The following RNF217 variants were observed in gnomAD, a reference collection of about 807,000 sequenced individuals.
RNF217 encodes the protein ring finger protein 217.
In RNF217, 31 loss-of-function variants were observed where a neutral mutation model predicts 57.8. The ratio of observed to expected loss-of-function variants is 0.54; its 90% CI spans 0.40 to 0.72. RNF217 has a LOEUF of 0.72. RNF217 is among the 30% of genes least tolerant of loss of function. The pLI is 0.00. For missense variants in RNF217, 696 were observed against 708.3 expected, an observed-to-expected ratio of 0.98 and a Z score of 0.20; for synonymous variants, 313 against 294.0, an observed-to-expected ratio of 1.06 and a Z score of -0.66.
At chr6:124,996,336 A>G (rs530609186) in intron 1 of RNF217, among the ~76,000 whole-genome samples, 11 of 151,862 alleles carry the variant, frequency 7.2e-5, no homozygotes, top group African/African-American at 2.7e-4. Context: ...AAGATAATTT[A>G]TGTTTTCTCT....
intron 2 of RNF217, among the ~76,000 whole-genome samples, chr6:125,047,751 A>G (rs537115917): frequency 3.7e-4 from 57 of 152,186 alleles, no homozygotes; most frequent in African/African-American, 1.3e-3. Flanking sequence ...AGAGGAAAAG[A>G]AAATTTGCTT....
chr6:124,985,040 T>A (rs1259270757), intron 1 of RNF217, among the ~76,000 whole-genome samples: 1 of 152,170 alleles, frequency 6.6e-6, no homozygotes, highest in African/African-American at 2.4e-5. Context: ...AATAAATGTA[T>A]ACAAAAAAGC....
chr6:125,053,212 C>A (rs1787392767), intron 2 of RNF217, among the ~76,000 whole-genome samples: 1 of 152,116 alleles, frequency 6.6e-6, no homozygotes, highest in Non-Finnish European at 1.5e-5. Context: ...AGCTTCTATT[C>A]TGGCAGTTAC....
At chr6:125,050,809 ACT>A (rs1282300464) in intron 2 of RNF217, among the ~76,000 whole-genome samples, 1 of 151,564 alleles carries the variant, frequency 6.6e-6, no homozygotes, top group Non-Finnish European at 1.5e-5. Context: ...TACAACACAC[ACT>A]GATTTCTCTT....
At chr6:124,990,041 A>G (rs1784503021) in intron 1 of RNF217, among the ~76,000 whole-genome samples, 1 of 152,156 alleles carries the variant, frequency 6.6e-6, no homozygotes, top group African/African-American at 2.4e-5. Flanking sequence ...ATTTCAATCA[A>G]GCTTTGCCTC....
intron 3 of RNF217, among the ~76,000 whole-genome samples, chr6:125,072,193 G>C (rs1368377719): frequency 6.6e-6 from 1 of 152,086 alleles, no homozygotes; most frequent in African/African-American, 2.4e-5. Context: ...AATGTCTCCT[G>C]TTGCAGATTG....
intron 1 of RNF217, among the ~76,000 whole-genome samples, chr6:125,020,293 A>G (rs1756979308): frequency 6.6e-6 from 1 of 152,242 alleles, no homozygotes; most frequent in Non-Finnish European, 1.5e-5. Flanking sequence ...CAAGACAAAT[A>G]GAATGTGGTA....
intron 1 of RNF217, among the ~76,000 whole-genome samples, chr6:124,984,644 T>G (rs1037294332): frequency 6.6e-6 from 1 of 151,670 alleles, no homozygotes; most frequent in Non-Finnish European, 1.5e-5. Flanking sequence ...AAAAATTAGG[T>G]TTTTTTTAAT....
chr6:124,984,090 A>C (rs567736688), intron 1 of RNF217, among the ~76,000 whole-genome samples: 1 of 152,340 alleles, frequency 6.6e-6, no homozygotes, highest in East Asian at 1.9e-4. Flanking sequence ...CTTTGGTGTT[A>C]CATGAATTTT....
chr6:125,081,602 G>T, intron 5 of RNF217, 95 bp downstream of exon 5: 1 of 999,602 alleles, frequency 1.0e-6, no homozygotes. Context: ...GTTATTAAGT[G>T]GACATAATTT....
intron 3 of RNF217, among the ~76,000 whole-genome samples, chr6:125,071,621 A>G (rs531132039): frequency 2.0e-5 from 3 of 151,940 alleles, no homozygotes; most frequent in Non-Finnish European, 4.4e-5. Flanking sequence ...CATCTACTAC[A>G]ATGTGGACTT....
At chr6:124,988,016 T>C (rs1215784188) in intron 1 of RNF217, among the ~76,000 whole-genome samples, 8 of 152,126 alleles carry the variant, frequency 5.3e-5, no homozygotes, top group Admixed American at 6.6e-5. Flanking sequence ...CCAGGCCACA[T>C]AGGAGGAGAT....
Position 124,963,158 on chromosome 6 carries a change from C to T in RNF217, c.614C>T (p.Pro205Leu). ...LNPPSTRSSF[P>L]SPRLSLPTDS... ...CCTCCCAGCACCCGCTCTTCCTTCC[C>T]CAGCCCCCGACTGTCCCTCCCAACG... The change falls in exon 1 of 6, where the codon CCC becomes CTC. Residue 205 changes from proline to leucine, a missense_variant. Pro to Leu is a moderately conservative substitution (Grantham distance 98). Coordinates refer to ENST00000521654, the MANE Select transcript of RNF217 (RefSeq NM_001286398.3). 1.3e-6 allele frequency: 2 copies of T among 1,534,748 alleles called. No homozygotes were observed. The highest frequency in any genetic ancestry group is 1.7e-6 in the Non-Finnish European group (2 of 1,146,188).
In RNF217 at chr6:125,009,125, G is replaced by A. The variant is rs150578355; in HGVS notation, c.883-36086G>A. On this transcript the variant is annotated intron_variant, in intron 1 of 5. Transcript: ENST00000521654. The stretch of plus-strand genomic sequence containing the variant: ...ACGTGTTAGAAATGTATGTATAAAG[G>A]GATTTGTTCTTTGACCTTTTGCCAT... 5.4e-5 allele frequency: 58 copies of A among 1,081,428 alleles called. No homozygotes were observed. The East Asian group carries it at 1.2e-3, about 22-fold the overall frequency. 67.0% of individuals were successfully genotyped at this position (1,081,428 alleles called of 1,614,324 possible).
chr6:125,009,057 C>T, intron 1 of RNF217: 1 of 451,352 alleles, frequency 2.2e-6, no homozygotes, highest in Non-Finnish European at 3.9e-6. Context: ...ATCACTGGTT[C>T]ATAGAGAACA....
chr6:125,082,478 A>AT, intron 5 of RNF217: 1 of 1,612,302 alleles, frequency 6.2e-7, no homozygotes, highest in South Asian at 1.1e-5. Context: ...CTGGAACCTC[A>AT]TAAGTGGTAG....
Position 124,962,762 on chromosome 6 carries a change from T to C in RNF217, c.218T>C (p.Leu73Pro). ...DTSAPEPARS[L>P]GPPGWSKSRA... is the part of the protein sequence containing the mutation. ...AGCGCCCCAGAGCCCGCGAGGAGCC[T>C]GGGGCCCCCGGGCTGGAGTAAGAGC... The change falls in exon 1 of 6, where the codon CTG (leucine) becomes CCG (proline). Residue 73 changes from leucine to proline, a missense_variant. By Grantham distance (98) the Leu-to-Pro change is moderately conservative. This residue lies in a region of RNF217 where 465 missense variants were observed against 386.8 expected (regional missense o/e 1.20). Transcript: ENST00000521654. The surrounding 1 kb of genome is among the most constrained non-coding windows in gnomAD (Gnocchi z 4.6). The C allele has an allele frequency of 6.3e-7, 1 of 1,592,828 alleles. No individual in the cohort carries two copies. The highest frequency in any genetic ancestry group is 8.5e-7 in the Non-Finnish European group (1 of 1,178,054).
In RNF217 at chr6:124,962,601, C is replaced by A; in HGVS notation, c.57C>A (p.Thr19=). The change falls in exon 1 of 6, where the codon ACC becomes ACA. Residue 19 remains threonine, a synonymous_variant. Transcript: ENST00000521654. This position sits in a 1 kb window ranked among gnomAD's most constrained non-coding sequence, Gnocchi z 4.6. ...GCGGCGGGCCCCAGGAGTCGCAGACCCTGGCCAGTGGCACTGCGGGCCACC... is the reference window on the plus strand; with the variant it reads ...GCGGCGGGCCCCAGGAGTCGCAGACACTGGCCAGTGGCACTGCGGGCCACC... ...SGGGGPQESQ[T]LASGTAGHPE... is the part of the protein sequence containing the mutation. The A allele has an allele frequency of 7.6e-7, 1 of 1,308,580 alleles. No individual in the cohort carries two copies. 81.1% of individuals were successfully genotyped at this position (1,308,580 alleles called of 1,614,324 possible). A position where few individuals can be genotyped will look rare whatever the true frequency, so the allele number is the denominator to read the frequency against.
chr6:125,027,601 G>C (rs1335046675), intron 1 of RNF217, among the ~76,000 whole-genome samples: 1 of 152,192 alleles, frequency 6.6e-6, no homozygotes, highest in Non-Finnish European at 1.5e-5. Flanking sequence ...GTTGTAAACA[G>C]AGCTGCAACA....
Sources: gnomAD v4.1 joint callset for allele counts (sites outside exome capture counted in the v4.1 genomes callset) on GRCh38, gnomAD v4.1.1 for gene constraint, gnomAD v4.1.1 regional missense constraint, Gnocchi (gnomAD v3.1) non-coding constraint, MANE v1.5 for transcripts, NCBI Gene and HGNC (gene_info 2026-07-23, HGNC 2026-07-21) for gene names.